POU6F2: variants seen among roughly 807,000 people sequenced by gnomAD.
The protein encoded by POU6F2 is POU class 6 homeobox 2.
POU6F2 carries 31 observed loss-of-function variants against 71.3 expected under a neutral mutation model. That is an observed-to-expected ratio of 0.43 (90% CI 0.33 to 0.59). The LOEUF (loss-of-function observed/expected upper bound fraction) is 0.59, where lower values mean the gene tolerates loss of function less well. Among genes scored for constraint, POU6F2 ranks in the 20% least tolerant of loss-of-function variants. The probability of loss-of-function intolerance (pLI) is 0.04; values close to 1 mark genes in which losing one functional copy is unlikely to be tolerated. For synonymous variants in POU6F2, 347 were observed against 355.7 expected, an observed-to-expected ratio of 0.98 and a Z score of 0.27; for missense variants, 783 against 856.8, an observed-to-expected ratio of 0.91 and a Z score of 1.07.
intron 1 of POU6F2, among the ~76,000 whole-genome samples, chr7:39,081,435 T>C (rs1791115966): frequency 6.6e-6 from 1 of 152,228 alleles, no homozygotes; most frequent in African/African-American, 2.4e-5. Flanking sequence ...GTTTTCCACA[T>C]GGGTATGACT....
chr7:38,987,348 G>A (rs543396995), intron 1 of POU6F2, among the ~76,000 whole-genome samples: 1 of 152,094 alleles, frequency 6.6e-6, no homozygotes, highest in Non-Finnish European at 1.5e-5. Flanking sequence ...CTTTATGTTT[G>A]CTCCAAGCCA....
At chr7:39,283,331 A>G (rs1250549347) in intron 4 of POU6F2, among the ~76,000 whole-genome samples, 1 of 152,156 alleles carries the variant, frequency 6.6e-6, no homozygotes, top group Non-Finnish European at 1.5e-5. Context: ...TACTAAGTAC[A>G]TTCACATTCG....
intron 4 of POU6F2, among the ~76,000 whole-genome samples, chr7:39,258,027 C>T (rs1475829351): frequency 2.0e-5 from 3 of 152,110 alleles, no homozygotes; most frequent in African/African-American, 7.2e-5. Context: ...CTGTTTCCCC[C>T]CATTTCCTAC....
chr7:39,172,774 C>A (rs148350011), intron 2 of POU6F2, among the ~76,000 whole-genome samples: 1 of 152,066 alleles, frequency 6.6e-6, no homozygotes, highest in African/African-American at 2.4e-5. Flanking sequence ...GCACCTGCCA[C>A]CATGCCTGGC....
chr7:39,033,107 C>T lies in POU6F2; in HGVS notation c.106-52753C>T, dbSNP rs192003114. Among the ~76,000 whole-genome samples the T allele has an allele frequency of 3.7e-4, 57 of 152,274 alleles. No individual in the cohort carries two copies. The East Asian group carries it at 8.5e-3, about 23-fold the overall frequency. On this transcript the variant is annotated intron_variant, in intron 1 of 9. Coordinates refer to ENST00000518318, the MANE Select transcript of POU6F2 (RefSeq NM_001370959.1). ...TCCTTCAAGGACTATTAACGTCACA[C>T]GATTCAAAGCATATCACACCCCAGG...
At chr7:39,324,953 A>C (rs1785478542) in intron 4 of POU6F2, among the ~76,000 whole-genome samples, 1 of 152,248 alleles carries the variant, frequency 6.6e-6, no homozygotes, top group South Asian at 2.1e-4. Flanking sequence ...TAATTTGCAC[A>C]TCAATACAAA....
At chr7:39,024,766 G>C (rs1456445234) in intron 1 of POU6F2, among the ~76,000 whole-genome samples, 6 of 152,148 alleles carry the variant, frequency 3.9e-5, no homozygotes, top group Non-Finnish European at 8.8e-5. Flanking sequence ...AGATAATCAT[G>C]TGGTTTTTGT....
intron 4 of POU6F2, among the ~76,000 whole-genome samples, chr7:39,330,378 C>T (rs546182247): frequency 1.6e-4 from 24 of 152,292 alleles, no homozygotes; most frequent in Admixed American, 3.3e-4. Context: ...TTACTCTCCA[C>T]GTAGTACCCC....
intron 6 of POU6F2, among the ~76,000 whole-genome samples, chr7:39,412,008 A>G (rs532943394): frequency 2.6e-4 from 40 of 152,208 alleles, no homozygotes; most frequent in African/African-American, 9.2e-4. Context: ...CTGGGTTGTA[A>G]TAAGACAAAT....
intron 7 of POU6F2, among the ~76,000 whole-genome samples, chr7:39,445,907 G>T (rs77430567): frequency 0.011 from 1,627 of 152,238 alleles, 30 homozygotes; most frequent in African/African-American, 0.037. Context: ...TCCAAAATCT[G>T]TGTGGTCCTC....
chr7:39,458,725 C>A (rs1242066907), intron 8 of POU6F2, among the ~76,000 whole-genome samples: 1 of 152,102 alleles, frequency 6.6e-6, no homozygotes, highest in Non-Finnish European at 1.5e-5. Context: ...CCCACCCCTG[C>A]CCCGCCCGAG....
At chr7:39,197,256 G>A (rs1373344416) in intron 2 of POU6F2, among the ~76,000 whole-genome samples, 1 of 152,140 alleles carries the variant, frequency 6.6e-6, no homozygotes, top group Non-Finnish European at 1.5e-5. Flanking sequence ...TGAGGGGAAG[G>A]TCATATGCTC....
At chr7:39,323,143 G>C (rs1485156625) in intron 4 of POU6F2, among the ~76,000 whole-genome samples, 2 of 152,024 alleles carry the variant, frequency 1.3e-5, no homozygotes, top group Non-Finnish European at 2.9e-5. Flanking sequence ...CATAAAAATG[G>C]TTACCTTCTT....
chr7:39,462,558 T>G (rs1466989450), intron 9 of POU6F2, among the ~76,000 whole-genome samples: 2 of 152,208 alleles, frequency 1.3e-5, no homozygotes, highest in African/African-American at 2.4e-5. Flanking sequence ...CCTCGTGCCT[T>G]GACACTGTAA....
At chr7:39,393,929 T>G (rs1294384574) in intron 5 of POU6F2, among the ~76,000 whole-genome samples, 2 of 152,356 alleles carry the variant, frequency 1.3e-5, no homozygotes, top group East Asian at 1.9e-4. Flanking sequence ...TTATAAGTAA[T>G]TAATTGAATT....
In POU6F2 at chr7:39,214,077, A is replaced by C. The variant is rs553201312; in HGVS notation, c.598+6457A>C. Among the ~76,000 whole-genome samples, 6 of 152,326 alleles carry C rather than the reference A, an allele frequency of 3.9e-5. No individual in the cohort carries two copies. The East Asian group carries it at 1.2e-3, about 29-fold the overall frequency. ...AAAATGCAGTCCCTCAGAAAAGGGA[A>C]TGCTTCTTTTCTTTCTGCTTCCAGT... On this transcript the variant is annotated intron_variant, in intron 4 of 9. Coordinates refer to ENST00000518318, the MANE Select transcript of POU6F2 (RefSeq NM_001370959.1).
At chr7:39,403,614 A>G (rs1218865853) in intron 5 of POU6F2, among the ~76,000 whole-genome samples, 1 of 152,184 alleles carries the variant, frequency 6.6e-6, no homozygotes, top group African/African-American at 2.4e-5. Context: ...CTGCTGTCCA[A>G]ATCTACCCGG....
intron 2 of POU6F2, among the ~76,000 whole-genome samples, chr7:39,123,397 A>G (rs1344808318): frequency 6.6e-6 from 1 of 152,228 alleles, no homozygotes; most frequent in Non-Finnish European, 1.5e-5. Context: ...GGAATCAAAC[A>G]TTCAGAAAGT....
At chr7:39,240,373 A>G (rs1462010659) in intron 4 of POU6F2, among the ~76,000 whole-genome samples, 2 of 152,146 alleles carry the variant, frequency 1.3e-5, no homozygotes, top group African/African-American at 2.4e-5. Flanking sequence ...ATCTGCCACT[A>G]CTTGCTGGGT....
Sources: gnomAD v4.1 joint callset for allele counts (sites outside exome capture counted in the v4.1 genomes callset) on GRCh38, gnomAD v4.1.1 for gene constraint, MANE v1.5 for transcripts, NCBI Gene and HGNC (gene_info 2026-07-23, HGNC 2026-07-21) for gene names.